Variants in ANKRD13B observed in about 807,000 individuals in gnomAD.
ANKRD13B encodes the protein ankyrin repeat domain-containing protein 13B.
A neutral mutation model predicts 74.4 loss-of-function variants in ANKRD13B; 33 were observed. That is an observed-to-expected ratio of 0.44 (90% CI 0.34 to 0.59). The LOEUF is 0.59. ANKRD13B is among the 20% of genes least tolerant of loss of function. ANKRD13B has a pLI of 0.02. For missense variants in ANKRD13B, 676 were observed against 877.9 expected (o/e 0.77, Z 2.91); for synonymous variants, 341 against 362.9 (o/e 0.94, Z 0.68).
At chr17:29,613,192 G>A in intron 14 of ANKRD13B, 162 bp from the exon 15 acceptor site, 4 of 1,256,484 alleles carry the variant, frequency 3.2e-6, no homozygotes, top group Non-Finnish European at 4.3e-6. Context: ...GGTAGGGTCT[G>A]GGCTCCGCCA....
intron 7 of ANKRD13B, 66 bp from the exon 8 acceptor site, chr17:29,610,619 C>A: frequency 1.4e-6 from 2 of 1,476,586 alleles, no homozygotes; most frequent in South Asian, 1.2e-5. Flanking sequence ...GTTCCCAGTG[C>A]CCTTAGGGGT....
chr17:29,608,617 A>C lies in ANKRD13B; in HGVS notation c.422-234A>C, dbSNP rs1461383544. The C allele has an allele frequency of 1.7e-6, 1 of 595,680 alleles. No individual in the cohort carries two copies. Among genetic ancestry groups the C allele is most frequent in the South Asian group, 2.2e-5 (1 of 45,760 alleles). 36.9% of individuals were successfully genotyped at this position (595,680 alleles called of 1,614,324 possible). ...GAGTGAGTGAGTGAATTAACAAATG[A>C]TGGACACTAGGGACTTAGTGGTGAC... On this transcript the variant is annotated intron_variant, in intron 4 of 14. Transcript: ENST00000394859. The surrounding 1 kb of genome is among the most constrained non-coding windows in gnomAD (Gnocchi z 6.4).
intron 1 of ANKRD13B, among the ~76,000 whole-genome samples, chr17:29,606,734 A>G (rs1424543144): frequency 2.4e-5 from 1 of 42,320 alleles, no homozygotes; most frequent in African/African-American, 1.3e-4. Context: ...CAAGTAAAAA[A>G]AAAAAAAAAA....
rs1358215997 is a variant in ANKRD13B, at chr17:29,600,070, G to T, written c.114+6335G>T. 2.6e-5 allele frequency among the ~76,000 whole-genome samples: 4 copies of T among 151,870 alleles called. No individual in the cohort carries two copies. The East Asian group carries it at 5.8e-4, about 22-fold the overall frequency. On this transcript the variant is annotated intron_variant, in intron 1 of 14. Transcript: ENST00000394859. ...TTTTTGTATTTTTAGTAGAGACGGG[G>T]TTTCACCGTGTTAGCCAGGATGGTC... is the stretch of plus-strand genomic sequence containing the variant.
chr17:29,607,197 T>C (rs2034420722), intron 1 of ANKRD13B, among the ~76,000 whole-genome samples: 1 of 152,246 alleles, frequency 6.6e-6, no homozygotes, highest in Non-Finnish European at 1.5e-5. Context: ...GCACAGGACA[T>C]GGTTGTGAAA....
At chr17:29,613,252 G>A in intron 14 of ANKRD13B, 102 bp from the exon 15 acceptor site, 2 of 1,387,128 alleles carry the variant, frequency 1.4e-6, no homozygotes, top group Non-Finnish European at 1.9e-6. Context: ...TCCACTAGAG[G>A]GTGGTGGCCG....
In ANKRD13B at chr17:29,606,612, C is replaced by G. The variant is rs9709449; in HGVS notation, c.115-1130C>G. Reference sequence around the variant, plus strand: ...AACTTACGTTTAACAAACATGCTTTCTAAGCCAGGTGCAGGGGCTTGTAAT... The same window carrying G: ...AACTTACGTTTAACAAACATGCTTTGTAAGCCAGGTGCAGGGGCTTGTAAT... On this transcript the variant is annotated intron_variant, in intron 1 of 14. Coordinates refer to ENST00000394859, the MANE Select transcript of ANKRD13B (RefSeq NM_152345.5). Among the ~76,000 whole-genome samples, 4 of 151,552 alleles carry G rather than the reference C, an allele frequency of 2.6e-5. No homozygotes were observed. The South Asian group carries it at 8.3e-4, about 32-fold the overall frequency.
rs765872387 is a variant in ANKRD13B at position 29,607,843 on chromosome 17, A to G, written c.216A>G (p.Ala72=). 1.9e-6 allele frequency: 3 copies of G among 1,603,822 alleles called. No individual in the cohort carries two copies. The highest frequency in any genetic ancestry group is 1.1e-5 in the South Asian group (1 of 90,946). The change falls in exon 2 of 15, where the codon GCA becomes GCG. Residue 72 remains alanine, a synonymous_variant. Coordinates refer to ENST00000394859, the MANE Select transcript of ANKRD13B (RefSeq NM_152345.5). Reference sequence around the variant, plus strand: ...CCCGTGTGCTCCTGGCGCACGGCGCAGACGTGGGCAGGGAGAATCGCAGCG... The same window carrying G: ...CCCGTGTGCTCCTGGCGCACGGCGCGGACGTGGGCAGGGAGAATCGCAGCG... ...ECARVLLAHG[A]DVGRENRSGW...
At chr17:29,596,779 C>A (rs916719655) in intron 1 of ANKRD13B, among the ~76,000 whole-genome samples, 9 of 152,212 alleles carry the variant, frequency 5.9e-5, no homozygotes, top group Non-Finnish European at 1.3e-4. Context: ...CTACACTGGG[C>A]AGTCCTGGAT....
At chr17:29,610,477 G>A (rs1422748641) in intron 7 of ANKRD13B, among the ~76,000 whole-genome samples, 1 of 152,164 alleles carries the variant, frequency 6.6e-6, no homozygotes, top group Non-Finnish European at 1.5e-5. Flanking sequence ...CTCAATGCCT[G>A]GCACATAAAG....
At chr17:29,602,851 T>G (rs2034231560) in intron 1 of ANKRD13B, among the ~76,000 whole-genome samples, 1 of 152,190 alleles carries the variant, frequency 6.6e-6, no homozygotes, top group South Asian at 2.1e-4. Context: ...CTTTCTTTTA[T>G]TATTTATTTA....
At position 29,609,096 on chromosome 17, in the gene ANKRD13B, C is replaced by T. The variant is rs372192642; in HGVS notation, c.576C>T (p.Ala192=). Residue 192 remains alanine, a synonymous_variant, in exon 6 of 15, where the codon GCC becomes GCT. Transcript: ENST00000394859. This position sits in a 1 kb window ranked among gnomAD's most constrained non-coding sequence, Gnocchi z 4.0. ...SFVFRGQDTS[A]VVMEIDHDRR... Reference sequence around the variant, plus strand: ...TTCCGTGTCTGGCAGACACAAGCGCCGTGGTCATGGAGATTGACCACGACC... The same window carrying T: ...TTCCGTGTCTGGCAGACACAAGCGCTGTGGTCATGGAGATTGACCACGACC... The T allele has an allele frequency of 3.7e-6, 6 of 1,610,588 alleles. No homozygotes were observed. In the South Asian group the frequency reaches 4.4e-5, roughly 12 times the overall value.
chr17:29,603,095 C>T (rs1158979052), intron 1 of ANKRD13B, among the ~76,000 whole-genome samples: 2 of 152,240 alleles, frequency 1.3e-5, no homozygotes, highest in East Asian at 1.9e-4. Flanking sequence ...GTGATCCACC[C>T]GCCTTGGCCT....
intron 14 of ANKRD13B, 157 bp from the exon 15 acceptor site, chr17:29,613,197 C>G: frequency 1.6e-6 from 2 of 1,278,908 alleles, no homozygotes; most frequent in Non-Finnish European, 2.1e-6. Flanking sequence ...GGTCTGGGCT[C>G]CGCCACGACC....
chr17:29,613,673 C>T lies in ANKRD13B; in HGVS notation c.*91C>T, dbSNP rs1220680579. ...CCCGGCCTGCGCGCCTGCAGAGCGGCGGCTGGAGACTGGAGCCACCGCCTC... is the reference window on the plus strand; with the variant it reads ...CCCGGCCTGCGCGCCTGCAGAGCGGTGGCTGGAGACTGGAGCCACCGCCTC... On this transcript the variant is annotated 3_prime_UTR_variant, in exon 15 of 15. Transcript: ENST00000394859. The T allele has an allele frequency of 2.2e-6, 3 of 1,371,554 alleles. No homozygotes were observed. Among genetic ancestry groups the T allele is most frequent in the Non-Finnish European group, 1.9e-6 (2 of 1,066,918 alleles). 85.0% of individuals were successfully genotyped at this position (1,371,554 alleles called of 1,614,324 possible). A position where few individuals can be genotyped will look rare whatever the true frequency, so the allele number is the denominator to read the frequency against.
chr17:29,595,020 C>T (rs931517206), intron 1 of ANKRD13B, among the ~76,000 whole-genome samples: 5 of 152,232 alleles, frequency 3.3e-5, no homozygotes, highest in Admixed American at 6.5e-5. Context: ...GCCTCTGGGC[C>T]GGTCTGGGTG....
At position 29,614,565 on chromosome 17, in the gene ANKRD13B, G is replaced by C. The variant is rs1210586388; in HGVS notation, c.*983G>C. On this transcript the variant is annotated 3_prime_UTR_variant, in exon 15 of 15. Coordinates refer to ENST00000394859, the MANE Select transcript of ANKRD13B (RefSeq NM_152345.5). ...CCCAGAGAAGCACAGACCCCGCCAG[G>C]GGCAGGGGCCCACCGCACACCCTTG... is the stretch of plus-strand genomic sequence containing the variant. The C allele has an allele frequency of 2.6e-5, 4 of 152,572 alleles. No homozygotes were observed. Among genetic ancestry groups the C allele is most frequent in the African/African-American group, 9.7e-5 (4 of 41,414 alleles). The allele number at this position is 152,572 out of a possible 1,614,324, so 9.5% of individuals were successfully genotyped here.
At chr17:29,606,383 AC>A (rs2034376438) in intron 1 of ANKRD13B, among the ~76,000 whole-genome samples, 1 of 151,352 alleles carries the variant, frequency 6.6e-6, no homozygotes, top group Non-Finnish European at 1.5e-5. Context: ...ACATATCAAA[AC>A]CCCGTCTCTA....
intron 1 of ANKRD13B, among the ~76,000 whole-genome samples, chr17:29,605,234 C>T (rs2034325475): frequency 6.6e-6 from 1 of 152,084 alleles, no homozygotes; most frequent in Non-Finnish European, 1.5e-5. Flanking sequence ...ATGCTCTGCT[C>T]GGGCTTCCCC....
Sources: allele counts gnomAD v4.1 joint callset (sites outside exome capture counted in the v4.1 genomes callset), GRCh38; gene constraint gnomAD v4.1.1; non-coding constraint Gnocchi (gnomAD v3.1); transcripts MANE v1.5; gene names NCBI Gene and HGNC (gene_info 2026-07-23, HGNC 2026-07-21).